Variants in IPO11 observed in about 807,000 individuals in gnomAD.
IPO11 encodes importin 11, also known as importin-11.
A neutral mutation model predicts 143.2 loss-of-function variants in IPO11; 66 were observed. That is an observed-to-expected ratio of 0.46 (90% CI 0.38 to 0.57). The LOEUF is 0.57. Ranked by LOEUF, IPO11 falls within the 20% of genes least tolerant of loss-of-function variation. The probability of loss-of-function intolerance (pLI) is 0.00; values close to 1 mark genes in which losing one functional copy is unlikely to be tolerated. For synonymous variants in IPO11, 385 were observed against 377.8 expected (o/e 1.02, Z -0.22); for missense variants, 1,026 against 1,141.0 (o/e 0.90, Z 1.45).
intron 2 of IPO11, among the ~76,000 whole-genome samples, chr5:62,442,462 A>C (rs1375796798): frequency 1.3e-5 from 2 of 152,258 alleles, no homozygotes; most frequent in African/African-American, 4.8e-5. Context: ...CAGTTAACAT[A>C]CAACTGAGCA....
At chr5:62,428,399 C>T (rs189526971) in intron 1 of IPO11, among the ~76,000 whole-genome samples, 99 of 151,752 alleles carry the variant, frequency 6.5e-4, no homozygotes, top group Admixed American at 1.8e-3. Flanking sequence ...GCTGGAGTGC[C>T]GTGGTGCGAT....
intron 27 of IPO11, among the ~76,000 whole-genome samples, chr5:62,569,714 T>C (rs566524004): frequency 1.1e-3 from 166 of 152,362 alleles, no homozygotes; most frequent in African/African-American, 3.6e-3. Context: ...TGCATTGTTA[T>C]GCGAGGAAAA....
At chr5:62,601,894 C>A in intron 29 of IPO11, 46 bp downstream of exon 29, 2 of 1,197,546 alleles carry the variant, frequency 1.7e-6, no homozygotes, top group South Asian at 2.9e-5. Context: ...CATATATTAT[C>A]ATTTTCTGTA....
chr5:62,622,175 C>T (rs1398756343), intron 29 of IPO11, among the ~76,000 whole-genome samples: 1 of 152,042 alleles, frequency 6.6e-6, no homozygotes, highest in African/African-American at 2.4e-5. Flanking sequence ...ACGCTTGGCC[C>T]ACGTTTTTCT....
chr5:62,621,274 C>G (rs1490392166), intron 29 of IPO11, among the ~76,000 whole-genome samples: 1 of 152,062 alleles, frequency 6.6e-6, no homozygotes, highest in African/African-American at 2.4e-5. Flanking sequence ...GTCACACGAC[C>G]AGGAAGGATT....
chr5:62,497,714 C>T lies in IPO11; in HGVS notation c.1590+3590C>T, dbSNP rs188143281. On this transcript the variant is annotated intron_variant, in intron 16 of 29. Transcript: ENST00000325324. ...GAACTCTGGGCTCAAGCTGTCTTCC[C>T]ACCTTGGCCTCCCAAAGTGTTAGGA... 4.4e-3 allele frequency among the ~76,000 whole-genome samples: 664 copies of T among 152,330 alleles called. 1 individual carries two copies. Among genetic ancestry groups the T allele is most frequent in the Non-Finnish European group, 7.8e-3 (534 of 68,034 alleles).
At chr5:62,477,197 G>C (rs1316215597) in intron 9 of IPO11, among the ~76,000 whole-genome samples, 2 of 152,264 alleles carry the variant, frequency 1.3e-5, no homozygotes, top group East Asian at 3.9e-4. Flanking sequence ...CGCTGTGGTA[G>C]GCAGTGTGTA....
At chr5:62,466,444 A>C (rs565220802) in intron 5 of IPO11, among the ~76,000 whole-genome samples, 4 of 152,358 alleles carry the variant, frequency 2.6e-5, no homozygotes, top group Admixed American at 2.6e-4. Context: ...GCTGATGATA[A>C]CTAGTCATAA....
At chr5:62,553,960 A>G (rs1743481362) in intron 26 of IPO11, among the ~76,000 whole-genome samples, 1 of 151,976 alleles carries the variant, frequency 6.6e-6, no homozygotes, top group Non-Finnish European at 1.5e-5. Context: ...CGAACTCCTG[A>G]CCTCAGGTGA....
intron 1 of IPO11, among the ~76,000 whole-genome samples, chr5:62,427,323 G>C (rs1052069743): frequency 6.6e-6 from 1 of 152,140 alleles, no homozygotes; most frequent in Non-Finnish European, 1.5e-5. Flanking sequence ...CTCTTGAGTA[G>C]ATTTGATGTT....
chr5:62,472,641 C>T (rs1338297912), intron 7 of IPO11, among the ~76,000 whole-genome samples: 2 of 151,598 alleles, frequency 1.3e-5, no homozygotes, highest in African/African-American at 4.9e-5. Flanking sequence ...GATTCTCCTG[C>T]CTCAGCCTCT....
intron 1 of IPO11, 28 bp from the exon 2 acceptor site, chr5:62,437,246 T>C (rs1486285173): frequency 4.5e-6 from 7 of 1,553,546 alleles, no homozygotes; most frequent in Non-Finnish European, 6.1e-6. Flanking sequence ...GTAATACATA[T>C]TCAAGTATGT....
At chr5:62,528,681 T>C (rs987799181) in intron 21 of IPO11, among the ~76,000 whole-genome samples, 2 of 152,180 alleles carry the variant, frequency 1.3e-5, no homozygotes, top group African/African-American at 4.8e-5. Flanking sequence ...AGGTGTTCCA[T>C]CCAATAGCTT....
chr5:62,565,347 G>A (rs1257066586), intron 27 of IPO11, among the ~76,000 whole-genome samples: 8 of 152,090 alleles, frequency 5.3e-5, no homozygotes, highest in Admixed American at 3.9e-4. Flanking sequence ...ATAACTAGGT[G>A]TGGTGGCACA....
intron 1 of IPO11, chr5:62,419,029 A>G: frequency 6.4e-7 from 1 of 1,551,186 alleles, no homozygotes; most frequent in South Asian, 1.2e-5. Context: ...ACAGCCTATT[A>G]TACACTTGGG....
chr5:62,562,398 G>A (rs1327911430), intron 27 of IPO11, among the ~76,000 whole-genome samples: 5 of 152,206 alleles, frequency 3.3e-5, no homozygotes, highest in Admixed American at 2.0e-4. Flanking sequence ...CATGAACTGG[G>A]GGAGGGGAAG....
intron 1 of IPO11, among the ~76,000 whole-genome samples, chr5:62,435,035 T>A (rs938552637): frequency 4.2e-4 from 60 of 144,488 alleles, no homozygotes; most frequent in African/African-American, 1.4e-3. Context: ...AAAAAAAAAA[T>A]ATATATGTAT....
At chr5:62,547,148 T>C (rs1054551565) in intron 24 of IPO11, among the ~76,000 whole-genome samples, 8 of 152,288 alleles carry the variant, frequency 5.3e-5, no homozygotes, top group Non-Finnish European at 7.4e-5. Context: ...TGTACATCCC[T>C]GGTGGGATGT....
At chr5:62,451,127 A>G (rs1421684539) in intron 4 of IPO11, among the ~76,000 whole-genome samples, 1 of 152,208 alleles carries the variant, frequency 6.6e-6, no homozygotes, top group Non-Finnish European at 1.5e-5. Context: ...TAGAAATATC[A>G]TTATTTAAAT....
Sources: allele counts gnomAD v4.1 joint callset (sites outside exome capture counted in the v4.1 genomes callset), GRCh38; gene constraint gnomAD v4.1.1; transcripts MANE v1.5; gene names NCBI Gene and HGNC (gene_info 2026-07-23, HGNC 2026-07-21).